The following RYR2 variants were observed in gnomAD, a reference collection of about 807,000 sequenced individuals.
RYR2 encodes the protein ryanodine receptor 2.
RYR2 carries 227 observed loss-of-function variants against 601.1 expected under a neutral mutation model. That is an observed-to-expected ratio of 0.38 (90% CI 0.34 to 0.42). The LOEUF (loss-of-function observed/expected upper bound fraction) is 0.42, where lower values mean the gene tolerates loss of function less well. Ranked by LOEUF, RYR2 falls within the 10% of genes least tolerant of loss-of-function variation. RYR2 has a pLI of 1.00. For missense variants in RYR2, 4,646 were observed against 6,156.5 expected (o/e 0.75, Z 8.21); for synonymous variants, 2,223 against 2,175.1 (o/e 1.02, Z -0.61).
chr1:237,048,392 G>C (rs74146692), intron 1 of RYR2, among the ~76,000 whole-genome samples: 21,543 of 151,838 alleles, frequency 0.14, 3,944 homozygotes, highest in African/African-American at 0.42. Flanking sequence ...TTAGCTTCTT[G>C]TTCTGATCCC....
At chr1:237,141,847 C>G (rs1268210314) in intron 1 of RYR2, among the ~76,000 whole-genome samples, 1 of 152,166 alleles carries the variant, frequency 6.6e-6, no homozygotes, top group Non-Finnish European at 1.5e-5. Flanking sequence ...GGCACTATGG[C>G]CTTGGTTCAC....
chr1:237,419,716 T>C (rs564311352), intron 11 of RYR2, among the ~76,000 whole-genome samples: 56 of 152,312 alleles, frequency 3.7e-4, no homozygotes, highest in African/African-American at 1.3e-3. Context: ...AGTAGGAAAG[T>C]AGGAGATTCA....
At position 237,503,341 on chromosome 1, in the gene RYR2, C is replaced by A. The variant is rs780266883; in HGVS notation, c.2449C>A (p.Pro817Thr). The part of the protein sequence containing the change: ...RHGEFKFLPP[P>T]GYAPCYEAVL... ...TGGAGAATTCAAATTTCTTCCTCCA[C>A]CTGGGTATGCTCCTTGTTATGAAGC... The change falls in exon 22 of 105, where the codon CCT becomes ACT. Residue 817 changes from proline (P) to threonine (T), a missense_variant. Coordinates refer to ENST00000366574, the MANE Select transcript of RYR2 (RefSeq NM_001035.3). The A allele has an allele frequency of 6.2e-7, 1 of 1,613,854 alleles. No individual in the cohort carries two copies. Among genetic ancestry groups the A allele is most frequent in the Non-Finnish European group, 8.5e-7 (1 of 1,179,840 alleles).
At chr1:237,110,509 T>C (rs867472419) in intron 1 of RYR2, among the ~76,000 whole-genome samples, 1 of 147,216 alleles carries the variant, frequency 6.8e-6, no homozygotes, top group Admixed American at 6.9e-5. Context: ...AGTGAGAACA[T>C]GCGGTGTATG....
chr1:237,052,472 G>A (rs1384743387), intron 1 of RYR2, among the ~76,000 whole-genome samples: 1 of 152,166 alleles, frequency 6.6e-6, no homozygotes. Context: ...TGTAAGGCAG[G>A]AATTAAAGTT....
chr1:237,567,484 C>T (rs1015554203), intron 28 of RYR2, among the ~76,000 whole-genome samples: 4 of 150,584 alleles, frequency 2.7e-5, no homozygotes, highest in African/African-American at 9.8e-5. Context: ...CAGCTACATA[C>T]GAGGCTGAGG....
At chr1:237,724,774 C>T (rs143347578) in intron 74 of RYR2, among the ~76,000 whole-genome samples, 3,256 of 120,370 alleles carry the variant, frequency 0.027, 130 homozygotes, top group African/African-American at 0.088. Flanking sequence ...TTTCTGACAG[C>T]ATTGCTCTAC....
chr1:237,580,155 C>CTTTT (rs58145628), intron 29 of RYR2, among the ~76,000 whole-genome samples: 1 of 116,600 alleles, frequency 8.6e-6, no homozygotes, highest in African/African-American at 3.3e-5. Flanking sequence ...CACAACAATT[C>CTTTT]TTTTTTTTTT....
intron 24 of RYR2, among the ~76,000 whole-genome samples, chr1:237,514,503 G>A (rs2147790785): frequency 6.6e-6 from 1 of 152,210 alleles, no homozygotes; most frequent in Middle Eastern, 3.4e-3. Flanking sequence ...TTTTATGATG[G>A]ACTGATTTTT....
chr1:237,369,271 T>G (rs1457591136), intron 5 of RYR2, among the ~76,000 whole-genome samples: 1 of 152,148 alleles, frequency 6.6e-6, no homozygotes. Context: ...TATGAGTAAA[T>G]AACTATAATT....
intron 96 of RYR2, among the ~76,000 whole-genome samples, chr1:237,795,752 A>G (rs907100203): frequency 1.3e-5 from 2 of 151,284 alleles, no homozygotes; most frequent in Non-Finnish European, 2.9e-5. Context: ...CATCCGGCCA[A>G]ATATGAATTT....
intron 58 of RYR2, among the ~76,000 whole-genome samples, chr1:237,669,297 C>T (rs926922905): frequency 1.7e-4 from 26 of 152,180 alleles, no homozygotes; most frequent in South Asian, 2.1e-4. Context: ...GACACGGCAA[C>T]CATCTGATTT....
At chr1:237,369,195 A>G (rs1312636779) in intron 5 of RYR2, among the ~76,000 whole-genome samples, 3 of 152,164 alleles carry the variant, frequency 2.0e-5, no homozygotes, top group South Asian at 4.1e-4. Context: ...ATGGTGACTA[A>G]GGTACCATGG....
At position 237,731,269 on chromosome 1, in the gene RYR2, T is replaced by A. The variant is rs543029395; in HGVS notation, c.10936-777T>A. Among the ~76,000 whole-genome samples, 879 of 152,104 alleles carry A rather than the reference T, an allele frequency of 5.8e-3. 6 individuals are homozygous for A. Among genetic ancestry groups the A allele is most frequent in the Non-Finnish European group, 0.01 (696 of 67,974 alleles). ...TTCCATGGCTAAGTCAGTGGAGATA[T>A]AAAACTCAACAAAAAGTTGGATGTA... On this transcript the variant is annotated intron_variant, in intron 77 of 104. Coordinates refer to ENST00000366574, the MANE Select transcript of RYR2 (RefSeq NM_001035.3).
In RYR2 at chr1:237,674,811, A is replaced by T; in HGVS notation, c.8795A>T (p.Tyr2932Phe). The change falls in exon 60 of 105, where the codon TAT becomes TTT. Residue 2932 changes from tyrosine to phenylalanine, a missense_variant. Tyr to Phe is a conservative substitution (Grantham distance 22). Coordinates refer to ENST00000366574, the MANE Select transcript of RYR2 (RefSeq NM_001035.3). ...AGTTTCCTCCAACAACTCATTCGCTATGTGGATGAAGCCCATCAGTATATC... is the reference window on the plus strand; with the variant it reads ...AGTTTCCTCCAACAACTCATTCGCTTTGTGGATGAAGCCCATCAGTATATC... ...AYSFLQQLIR[Y>F]VDEAHQYILE... 5 of 1,610,300 alleles carry T rather than the reference A, an allele frequency of 3.1e-6. No homozygotes were observed. In the African/African-American group the frequency reaches 4.0e-5, roughly 13 times the overall value.
intron 28 of RYR2, among the ~76,000 whole-genome samples, chr1:237,568,783 G>A (rs1005214361): frequency 2.0e-5 from 3 of 152,058 alleles, no homozygotes; most frequent in Non-Finnish European, 2.9e-5. Flanking sequence ...AAAACAAACC[G>A]TATTCTGGGA....
intron 1 of RYR2, among the ~76,000 whole-genome samples, chr1:237,103,095 T>C (rs1668303057): frequency 6.6e-6 from 1 of 152,156 alleles, no homozygotes; most frequent in Admixed American, 6.5e-5. Context: ...AGCTCAATCT[T>C]GGATATTATA....
intron 100 of RYR2, among the ~76,000 whole-genome samples, chr1:237,810,127 CAT>C (rs1412805207): frequency 3.3e-5 from 5 of 151,950 alleles, no homozygotes; most frequent in Admixed American, 2.6e-4. Flanking sequence ...CTGAGTATGA[CAT>C]AAAACTCAGG....
At chr1:237,597,295 T>C (rs1675995888) in intron 34 of RYR2, among the ~76,000 whole-genome samples, 1 of 84,464 alleles carries the variant, frequency 1.2e-5, no homozygotes, top group Non-Finnish European at 2.9e-5. Context: ...GTCCAGAGTA[T>C]TTTTTTTTTT....
Sources: allele counts gnomAD v4.1 joint callset (sites outside exome capture counted in the v4.1 genomes callset), GRCh38; gene constraint gnomAD v4.1.1; transcripts MANE v1.5; gene names NCBI Gene and HGNC (gene_info 2026-07-23, HGNC 2026-07-21).